Variants in OPCML observed in about 807,000 individuals in gnomAD.
The protein encoded by OPCML is opioid binding protein/cell adhesion molecule like.
OPCML carries 13 observed loss-of-function variants against 37.8 expected under a neutral mutation model. That is an observed-to-expected ratio of 0.34 (90% CI 0.22 to 0.55). The LOEUF is 0.55. Among genes scored for constraint, OPCML ranks in the 20% least tolerant of loss-of-function variants. The pLI, the probability that OPCML is intolerant of heterozygous loss-of-function variation, is 0.91. For synonymous variants in OPCML, 176 were observed against 168.8 expected, an observed-to-expected ratio of 1.04 and a Z score of -0.33; for missense variants, 341 against 435.6, an observed-to-expected ratio of 0.78 and a Z score of 1.93.
intron 1 of OPCML, among the ~76,000 whole-genome samples, chr11:133,088,034 G>A (rs192789445): frequency 2.6e-5 from 4 of 152,302 alleles, no homozygotes; most frequent in Admixed American, 6.5e-5. Flanking sequence ...AAGAAGGTAA[G>A]GGTGAGAAAT....
chr11:132,958,758 G>C (rs1444504382), intron 1 of OPCML, among the ~76,000 whole-genome samples: 2 of 152,188 alleles, frequency 1.3e-5, no homozygotes, highest in Non-Finnish European at 2.9e-5. Flanking sequence ...CAGCATAACT[G>C]TTTACAGCAG....
intron 3 of OPCML, among the ~76,000 whole-genome samples, chr11:132,628,441 C>T (rs1178399808): frequency 1.3e-5 from 2 of 152,146 alleles, no homozygotes; most frequent in Non-Finnish European, 2.9e-5. Flanking sequence ...GATGCTTTGG[C>T]ATCTGGGGTC....
intron 1 of OPCML, among the ~76,000 whole-genome samples, chr11:133,019,046 C>T (rs2136896716): frequency 6.6e-6 from 1 of 152,336 alleles, no homozygotes; most frequent in South Asian, 2.1e-4. Flanking sequence ...GATGATGTTA[C>T]TGTGAGTGAT....
intron 4 of OPCML, among the ~76,000 whole-genome samples, chr11:132,508,597 G>T (rs1281127220): frequency 6.6e-6 from 1 of 152,120 alleles, no homozygotes. Flanking sequence ...GACCCAGGGG[G>T]AGGTAATTGA....
At chr11:132,646,237 T>G (rs1054586421) in intron 3 of OPCML, among the ~76,000 whole-genome samples, 1 of 152,040 alleles carries the variant, frequency 6.6e-6, no homozygotes, top group African/African-American at 2.4e-5. Context: ...AACAACTTAC[T>G]CATGTAACCA....
At chr11:133,183,912 C>T (rs10894658) in intron 1 of OPCML, among the ~76,000 whole-genome samples, 11,311 of 152,252 alleles carry the variant, frequency 0.074, 609 homozygotes, top group East Asian at 0.26. Context: ...TTCAATTACA[C>T]CCGAGTCTAC....
intron 1 of OPCML, among the ~76,000 whole-genome samples, chr11:133,246,617 G>C (rs980027856): frequency 2.0e-5 from 3 of 152,102 alleles, no homozygotes; most frequent in Non-Finnish European, 1.5e-5. Flanking sequence ...GAGGACAGAG[G>C]GCAGAGACAT....
chr11:132,905,173 C>T (rs1944192673), intron 2 of OPCML, among the ~76,000 whole-genome samples: 1 of 151,942 alleles, frequency 6.6e-6, no homozygotes, highest in South Asian at 2.1e-4. Context: ...ATAGAACTTG[C>T]CCAGTGTCTA....
At chr11:133,015,411 G>GGAAGGAAT (rs1947309202) in intron 1 of OPCML, among the ~76,000 whole-genome samples, 4 of 112,100 alleles carry the variant, frequency 3.6e-5, no homozygotes, top group Non-Finnish European at 7.5e-5. Context: ...AAGGAAGGAA[G>GGAAGGAAT]GAAGGAAGGA....
intron 1 of OPCML, among the ~76,000 whole-genome samples, chr11:133,012,104 T>C (rs1591909822): frequency 6.6e-6 from 1 of 152,184 alleles, no homozygotes; most frequent in Non-Finnish European, 1.5e-5. Flanking sequence ...CATTGGGCAA[T>C]GCCTGAAGAT....
chr11:132,737,204 G>T (rs1945288472), intron 2 of OPCML, among the ~76,000 whole-genome samples: 1 of 152,202 alleles, frequency 6.6e-6, no homozygotes, highest in Admixed American at 6.5e-5. Context: ...ATAAAAATGA[G>T]AGTAGAAAGC....
At chr11:133,349,827 G>C (rs1944088515) in intron 1 of OPCML, among the ~76,000 whole-genome samples, 1 of 152,188 alleles carries the variant, frequency 6.6e-6, no homozygotes, top group South Asian at 2.1e-4. Context: ...TATGCACAGA[G>C]CATATTTTCT....
intron 4 of OPCML, among the ~76,000 whole-genome samples, chr11:132,507,370 G>T (rs1345713747): frequency 6.6e-6 from 1 of 151,792 alleles, no homozygotes; most frequent in Non-Finnish European, 1.5e-5. Context: ...TATTTATCTT[G>T]TACTGTAGTA....
At chr11:133,373,408 T>C (rs1211257897) in intron 1 of OPCML, among the ~76,000 whole-genome samples, 2 of 125,194 alleles carry the variant, frequency 1.6e-5, no homozygotes, top group Non-Finnish European at 3.3e-5. Flanking sequence ...ACTAAAAAAG[T>C]TAATTACTTA....
intron 1 of OPCML, among the ~76,000 whole-genome samples, chr11:133,265,375 GC>G (rs1216948771): frequency 1.3e-5 from 2 of 152,176 alleles, no homozygotes; most frequent in Non-Finnish European, 2.9e-5. Flanking sequence ...ATTGGCGTTG[GC>G]TATCCATTGA....
chr11:133,257,831 C>T (rs969578250), intron 1 of OPCML, among the ~76,000 whole-genome samples: 1 of 150,744 alleles, frequency 6.6e-6, no homozygotes, highest in Non-Finnish European at 1.5e-5. Flanking sequence ...TTTTTCTCGC[C>T]TTCCTTGTCT....
intron 1 of OPCML, chr11:133,007,794 T>A: frequency 2.0e-6 from 2 of 985,466 alleles, no homozygotes; most frequent in Non-Finnish European, 2.4e-6. Context: ...AGCACATGTA[T>A]CATATCTCCT....
Position 133,025,262 on chromosome 11 carries a change from C to A in OPCML, c.62-82252G>T, listed in dbSNP as rs150674518. The A allele has an allele frequency of 4.7e-6, 4 of 857,912 alleles. No individual in the cohort carries two copies. The Admixed American group carries it at 2.5e-4, about 53-fold the overall frequency. 53.1% of individuals were successfully genotyped at this position (857,912 alleles called of 1,614,324 possible). ...TGTGCAAATATACACCATCTCTTCT[C>A]ACCTGTGAGTTGTATCTCCACGTAC... On this transcript the variant is annotated intron_variant, in intron 1 of 7. Coordinates refer to ENST00000524381, the MANE Select transcript of OPCML (RefSeq NM_001012393.5).
At chr11:133,158,754 A>AAATAC (rs1950102652) in intron 1 of OPCML, among the ~76,000 whole-genome samples, 1 of 151,258 alleles carries the variant, frequency 6.6e-6, no homozygotes, top group African/African-American at 2.4e-5. Context: ...AAATAAAATA[A>AAATAC]AATGAAAATT....
Sources: allele counts gnomAD v4.1 joint callset (sites outside exome capture counted in the v4.1 genomes callset), GRCh38; gene constraint gnomAD v4.1.1; transcripts MANE v1.5; gene names NCBI Gene and HGNC (gene_info 2026-07-23, HGNC 2026-07-21).